The following SCAI variants were observed in gnomAD, a reference collection of about 807,000 sequenced individuals.
SCAI encodes the protein suppressor of cancer cell invasion.
In SCAI, 24 loss-of-function variants were observed where a neutral mutation model predicts 92.2. The ratio of observed to expected loss-of-function variants is 0.26; its 90% confidence interval spans 0.19 to 0.37. The LOEUF (loss-of-function observed/expected upper bound fraction) is 0.37, where lower values mean the gene tolerates loss of function less well. SCAI is among the 10% of genes least tolerant of loss of function. The probability of loss-of-function intolerance (pLI) is 1.00; values close to 1 mark genes in which losing one functional copy is unlikely to be tolerated. For missense variants in SCAI, 450 were observed against 736.2 expected, an observed-to-expected ratio of 0.61 and a Z score of 4.50; for synonymous variants, 261 against 258.6, an observed-to-expected ratio of 1.01 and a Z score of -0.09.
chr9:125,081,030 C>T (rs1480669198), intron 2 of SCAI, among the ~76,000 whole-genome samples: 1 of 152,194 alleles, frequency 6.6e-6, no homozygotes, highest in Non-Finnish European at 1.5e-5. Context: ...TGACTTGCTC[C>T]TCCTTGCCTT....
At chr9:125,137,041 G>A (rs1835551538) in intron 2 of SCAI, among the ~76,000 whole-genome samples, 1 of 152,184 alleles carries the variant, frequency 6.6e-6, no homozygotes, top group African/African-American at 2.4e-5. Flanking sequence ...ACAGGTGTGA[G>A]CCACCGCGCC....
intron 2 of SCAI, chr9:125,065,853 C>T (rs761725415): frequency 8.6e-5 from 50 of 578,322 alleles, no homozygotes; most frequent in Non-Finnish European, 1.4e-4. Context: ...TCAACAGATG[C>T]ACAACTCACA....
At chr9:125,052,464 G>A (rs111881588) in intron 3 of SCAI, among the ~76,000 whole-genome samples, 85 of 152,134 alleles carry the variant, frequency 5.6e-4, no homozygotes, top group Middle Eastern at 3.4e-3. Flanking sequence ...CCAGCTACTC[G>A]GGGTAGGGGG....
At chr9:124,958,633 G>T (rs369890288) in intron 17 of SCAI, among the ~76,000 whole-genome samples, 3 of 152,026 alleles carry the variant, frequency 2.0e-5, no homozygotes, top group African/African-American at 7.2e-5. Flanking sequence ...AAGGCCAGGC[G>T]TGGTGGCTCA....
At chr9:125,104,171 G>T (rs1337921936) in intron 2 of SCAI, among the ~76,000 whole-genome samples, 4 of 152,168 alleles carry the variant, frequency 2.6e-5, no homozygotes, top group African/African-American at 9.7e-5. Flanking sequence ...GACTCTTCAA[G>T]TTCACAAGAG....
intron 2 of SCAI, among the ~76,000 whole-genome samples, chr9:125,066,352 C>T (rs527355565): frequency 2.0e-5 from 3 of 152,308 alleles, no homozygotes; most frequent in South Asian, 2.1e-4. Flanking sequence ...ATTCACTCAC[C>T]ACTTGCTCAC....
intron 3 of SCAI, among the ~76,000 whole-genome samples, chr9:125,052,675 A>T (rs1028202509): frequency 6.6e-6 from 1 of 152,160 alleles, no homozygotes; most frequent in African/African-American, 2.4e-5. Flanking sequence ...AAGAGAATAT[A>T]TATTTGCAAA....
In SCAI at chr9:125,143,479, G is replaced by C. The variant is rs957958557; in HGVS notation, c.-42C>G. The C allele has an allele frequency of 3.0e-6, 4 of 1,318,700 alleles. No individual in the cohort carries two copies. The East Asian group carries it at 9.4e-5, about 31-fold the overall frequency. 81.7% of individuals were successfully genotyped at this position (1,318,700 alleles called of 1,614,324 possible). ...CGCGGGAGCTGCTCCGGCGGCCGCA[G>C]GGCTCGCTCGGGAAGCTGAGGCGGC... On this transcript the variant is annotated 5_prime_UTR_variant, in exon 1 of 18. Coordinates refer to ENST00000336505, the MANE Select transcript of SCAI (RefSeq NM_001144877.3).
At chr9:125,122,694 C>T (rs1312775040) in intron 2 of SCAI, among the ~76,000 whole-genome samples, 1 of 151,812 alleles carries the variant, frequency 6.6e-6, no homozygotes, top group African/African-American at 2.4e-5. Flanking sequence ...TGCTTGAGCC[C>T]AGGAGTTCGA....
At position 124,978,221 on chromosome 9, in the gene SCAI, C is replaced by G. The variant is rs553641040; in HGVS notation, c.1327-2035G>C. ...CTTTGGGAGGCAGAGGTGGGCAGATCACCTGAGGTCAGGAGTGGAGACCAG... is the reference window on the plus strand; with the variant it reads ...CTTTGGGAGGCAGAGGTGGGCAGATGACCTGAGGTCAGGAGTGGAGACCAG... On this transcript the variant is annotated intron_variant, in intron 14 of 17. Coordinates refer to ENST00000336505, the MANE Select transcript of SCAI (RefSeq NM_001144877.3). Among the ~76,000 whole-genome samples, 26 of 152,308 alleles carry G rather than the reference C, an allele frequency of 1.7e-4. No individual in the cohort carries two copies. In the South Asian group the frequency reaches 5.2e-3, roughly 30 times the overall value.
intron 2 of SCAI, among the ~76,000 whole-genome samples, chr9:125,141,212 T>A (rs1835658437): frequency 6.6e-6 from 1 of 152,198 alleles, no homozygotes; most frequent in Non-Finnish European, 1.5e-5. Flanking sequence ...GCATTTTGAG[T>A]GCTCACCCTG....
At chr9:125,001,901 C>T (rs1012066652) in intron 12 of SCAI, 64 bp downstream of exon 12, 44 of 1,172,790 alleles carry the variant, frequency 3.8e-5, no homozygotes, top group Non-Finnish European at 4.7e-5. Flanking sequence ...TACGGGCCAT[C>T]GTCTTGTAGA....
At chr9:125,012,230 G>A (rs1479743967) in intron 9 of SCAI, among the ~76,000 whole-genome samples, 1 of 152,136 alleles carries the variant, frequency 6.6e-6, no homozygotes, top group East Asian at 1.9e-4. Flanking sequence ...AAAAGACACA[G>A]ACTGGCAAAC....
chr9:125,018,121 G>A (rs1164580052), intron 9 of SCAI, among the ~76,000 whole-genome samples: 1 of 152,042 alleles, frequency 6.6e-6, no homozygotes, highest in Non-Finnish European at 1.5e-5. Context: ...TTGAGACAGA[G>A]TCTCGCTCTG....
intron 8 of SCAI, 73 bp from the exon 9 acceptor site, chr9:125,019,024 C>T (rs1832818275): frequency 6.5e-7 from 1 of 1,538,670 alleles, no homozygotes. Flanking sequence ...ATTCCTTCTT[C>T]TTGACATATA....
At chr9:125,095,943 G>A (rs1294082139) in intron 2 of SCAI, among the ~76,000 whole-genome samples, 2 of 152,150 alleles carry the variant, frequency 1.3e-5, no homozygotes, top group African/African-American at 2.4e-5. Context: ...ACTTGGGTGA[G>A]GGCTACAACT....
chr9:125,095,712 C>T (rs187535669), intron 2 of SCAI, among the ~76,000 whole-genome samples: 2 of 152,306 alleles, frequency 1.3e-5, no homozygotes, highest in Non-Finnish European at 2.9e-5. Context: ...GACTTTCCCC[C>T]TTTTTTCTAA....
intron 2 of SCAI, among the ~76,000 whole-genome samples, chr9:125,080,560 G>A (rs995471622): frequency 3.3e-5 from 5 of 152,104 alleles, no homozygotes. Context: ...TTGGTTATCA[G>A]ATCTACCTCT....
At chr9:125,114,687 C>T (rs1171246824) in intron 2 of SCAI, among the ~76,000 whole-genome samples, 1 of 151,792 alleles carries the variant, frequency 6.6e-6, no homozygotes, top group Non-Finnish European at 1.5e-5. Flanking sequence ...CTCACACCAG[C>T]CTTGAACTCC....
Sources: gnomAD v4.1 joint callset for allele counts (sites outside exome capture counted in the v4.1 genomes callset) on GRCh38, gnomAD v4.1.1 for gene constraint, MANE v1.5 for transcripts, NCBI Gene and HGNC (gene_info 2026-07-23, HGNC 2026-07-21) for gene names.